The following SAMSN1 variants were observed in gnomAD, a reference collection of about 807,000 sequenced individuals.
The protein encoded by SAMSN1 is SAM domain-containing protein SAMSN-1.
In SAMSN1, 31 loss-of-function variants were observed where a neutral mutation model predicts 42.0. The ratio of observed to expected loss-of-function variants is 0.74; its 90% CI spans 0.55 to 1.00. The LOEUF (loss-of-function observed/expected upper bound fraction) is 1.00, where lower values mean the gene tolerates loss of function less well. Ranked by LOEUF, SAMSN1 falls within the 50% of genes least tolerant of loss-of-function variation. SAMSN1 has a pLI of 0.00. For missense variants in SAMSN1, 464 were observed against 439.4 expected (o/e 1.06, Z -0.50); for synonymous variants, 178 against 151.9 (o/e 1.17, Z -1.26).
At chr21:14,591,957 C>T (rs459526) in intron 7 of SAMSN1, 77,419 of 151,974 alleles carry the variant, frequency 0.51, 20,412 homozygotes, top group Admixed American at 0.63. Context: ...AATGTCACTG[C>T]CATTTCTCCA....
chr21:14,555,612 T>C (rs1255759992), intron 2 of SAMSN1, among the ~76,000 whole-genome samples: 1 of 152,154 alleles, frequency 6.6e-6, no homozygotes, highest in African/African-American at 2.4e-5. Flanking sequence ...CATTCTTACA[T>C]GTAAGTGATT....
At chr21:14,517,192 CAT>C in intron 2 of SAMSN1, 151 bp from the exon 3 acceptor site, 1 of 669,374 alleles carries the variant, frequency 1.5e-6, no homozygotes, top group Non-Finnish European at 2.4e-6. Context: ...GGACATAACA[CAT>C]ATTTTTAAAG....
intron 4 of SAMSN1, among the ~76,000 whole-genome samples, chr21:14,512,105 T>C (rs1987709492): frequency 6.6e-6 from 1 of 152,100 alleles, no homozygotes; most frequent in African/African-American, 2.4e-5. Flanking sequence ...CTTCAAGTCA[T>C]TTTGAAATAT....
chr21:14,577,284 A>ATATATTTTT (rs1460040142), intron 2 of SAMSN1, among the ~76,000 whole-genome samples: 3 of 53,858 alleles, frequency 5.6e-5, no homozygotes, highest in African/African-American at 1.7e-4. Flanking sequence ...ATATATATAT[A>ATATATTTTT]TTTTTTTTTT....
intron 1 of SAMSN1, among the ~76,000 whole-genome samples, chr21:14,647,924 G>C (rs547537398): frequency 2.1e-4 from 32 of 151,736 alleles, no homozygotes; most frequent in African/African-American, 7.8e-4. Context: ...CAATCATGTC[G>C]TCTGCGAACA....
intron 3 of SAMSN1, among the ~76,000 whole-genome samples, chr21:14,613,371 T>C (rs1429836535): frequency 1.3e-5 from 2 of 152,184 alleles, no homozygotes; most frequent in Admixed American, 1.3e-4. Context: ...TTTATGCCAG[T>C]GGATCCATGT....
At chr21:14,504,633 A>C (rs1364271136) in intron 5 of SAMSN1, among the ~76,000 whole-genome samples, 1 of 152,250 alleles carries the variant, frequency 6.6e-6, no homozygotes, top group Non-Finnish European at 1.5e-5. Flanking sequence ...AAGAATAATC[A>C]GTGTTCCTGA....
chr21:14,599,145 C>T (rs1279926474), intron 6 of SAMSN1, among the ~76,000 whole-genome samples: 2 of 152,030 alleles, frequency 1.3e-5, no homozygotes, highest in Non-Finnish European at 2.9e-5. Flanking sequence ...AAATTTGACC[C>T]TCAATATTGG....
upstream of SAMSN1, among the ~76,000 whole-genome samples, chr21:14,584,354 C>T (rs1015663719): frequency 5.3e-5 from 8 of 152,090 alleles, no homozygotes; most frequent in African/African-American, 1.7e-4. Context: ...AAAAGATAGC[C>T]ACAGCATACC....
rs1982131675 is a variant in SAMSN1, at chr21:14,592,894, C to T, written c.465+1119G>A. Among the ~76,000 whole-genome samples, 7 of 152,078 alleles carry T rather than the reference C, an allele frequency of 4.6e-5. No individual in the cohort carries two copies. The South Asian group carries it at 1.4e-3, about 31-fold the overall frequency. ...TATAGCTTTATTTTCATCTGAAAGT[C>T]CTGTTAGTATTTACTGAGGTTCATT... On this transcript the variant is annotated intron_variant, in intron 7 of 15. Transcript: ENST00000647101.
intron 1 of SAMSN1, among the ~76,000 whole-genome samples, chr21:14,530,345 T>G (rs961278420): frequency 5.8e-5 from 8 of 138,934 alleles, no homozygotes; most frequent in African/African-American, 2.1e-4. Flanking sequence ...AAGAAAGAAA[T>G]AATCACCAAA....
chr21:14,530,273 A>C (rs1193004213), intron 1 of SAMSN1, among the ~76,000 whole-genome samples: 2 of 144,980 alleles, frequency 1.4e-5, no homozygotes, highest in Non-Finnish European at 3.0e-5. Flanking sequence ...GCCGAGATTG[A>C]GCCAATGCGC....
At chr21:14,527,549 G>T (rs573206915) in intron 1 of SAMSN1, among the ~76,000 whole-genome samples, 4 of 152,230 alleles carry the variant, frequency 2.6e-5, no homozygotes, top group African/African-American at 9.6e-5. Context: ...AAGAACAAAA[G>T]CTGGTCTATT....
intron 2 of SAMSN1, among the ~76,000 whole-genome samples, chr21:14,579,863 A>G (rs1303666813): frequency 6.6e-6 from 1 of 152,184 alleles, no homozygotes; most frequent in Non-Finnish European, 1.5e-5. Flanking sequence ...TAGGAAGTAT[A>G]CAAATACTGA....
chr21:14,497,585 C>A (rs552133572), intron 7 of SAMSN1, among the ~76,000 whole-genome samples: 3 of 152,122 alleles, frequency 2.0e-5, no homozygotes, highest in African/African-American at 4.8e-5. Context: ...GATTTAGACA[C>A]CATCTCAAAA....
At chr21:14,549,467 G>A (rs532345234), upstream of SAMSN1, among the ~76,000 whole-genome samples, 1 of 152,260 alleles carries the variant, frequency 6.6e-6, no homozygotes, top group South Asian at 2.1e-4. Flanking sequence ...AACATGAAGA[G>A]TTGGTTGGGC....
At chr21:14,576,307 GA>G (rs1981461317) in intron 2 of SAMSN1, among the ~76,000 whole-genome samples, 1 of 152,116 alleles carries the variant, frequency 6.6e-6, no homozygotes, top group South Asian at 2.1e-4. Context: ...CATGTTGATT[GA>G]AGGGGGAAGA....
At position 14,561,434 on chromosome 21, in the gene SAMSN1, C is replaced by T. The variant is rs190456478; in HGVS notation, c.261+20702G>A. Among the ~76,000 whole-genome samples, 133 of 152,164 alleles carry T rather than the reference C, an allele frequency of 8.7e-4. 1 individual carries two copies. The highest frequency in any genetic ancestry group is 4.1e-3 in the Admixed American group (62 of 15,260). On this transcript the variant is annotated intron_variant, in intron 2 of 8. Coordinates refer to the SAMSN1 transcript ENST00000285670. ...AGTTTCAGTGGATTTATGCTGTTTGCGTAGTTGGCAGGAAAACCTGTTGGG... is the reference window on the plus strand; with the variant it reads ...AGTTTCAGTGGATTTATGCTGTTTGTGTAGTTGGCAGGAAAACCTGTTGGG...
At chr21:14,595,439 C>T (rs768257228) in intron 6 of SAMSN1, among the ~76,000 whole-genome samples, 1 of 152,026 alleles carries the variant, frequency 6.6e-6, no homozygotes, top group Non-Finnish European at 1.5e-5. Context: ...TTACAAATTA[C>T]CCAGCCTAAG....
Sources: allele counts gnomAD v4.1 joint callset (sites outside exome capture counted in the v4.1 genomes callset), GRCh38; gene constraint gnomAD v4.1.1; transcripts MANE v1.5; gene names NCBI Gene and HGNC (gene_info 2026-07-23, HGNC 2026-07-21).